CCSER1: variants seen among roughly 807,000 people sequenced by gnomAD.
CCSER1 encodes serine-rich coiled-coil domain-containing protein 1.
CCSER1 carries 41 observed loss-of-function variants against 82.0 expected under a neutral mutation model. The ratio of observed to expected loss-of-function variants is 0.50; its 90% CI spans 0.39 to 0.65. The LOEUF is 0.65. Among genes scored for constraint, CCSER1 ranks in the 30% least tolerant of loss-of-function variants. The pLI, the probability that CCSER1 is intolerant of heterozygous loss-of-function variation, is 0.00. For missense variants in CCSER1, 1,119 were observed against 1,064.2 expected, an observed-to-expected ratio of 1.05 and a Z score of -0.72; for synonymous variants, 414 against 383.9, an observed-to-expected ratio of 1.08 and a Z score of -0.92.
In CCSER1 at chr4:91,240,269, G is replaced by A. The variant is rs1361507714; in HGVS notation, c.2217+154275G>A. On this transcript the variant is annotated intron_variant, in intron 10 of 10. Coordinates refer to ENST00000509176, the MANE Select transcript of CCSER1 (RefSeq NM_001145065.2). ...TTTTCTGTATTTTTAATAGAGACGG[G>A]GTTTCCCTGTGTTAGCCAGGATGGT... 7.8e-5 allele frequency among the ~76,000 whole-genome samples: 5 copies of A among 63,810 alleles called. 2 individuals carry two copies. In the Admixed American group the frequency reaches 8.3e-4, roughly 11 times the overall value. 41.9% of individuals were successfully genotyped at this position (63,810 alleles called of 152,430 possible).
At chr4:91,179,888 G>T (rs1047916519) in intron 10 of CCSER1, among the ~76,000 whole-genome samples, 1 of 152,192 alleles carries the variant, frequency 6.6e-6, no homozygotes, top group Non-Finnish European at 1.5e-5. Context: ...GAGGCGCTCT[G>T]ATTTTTAGAA....
At position 90,871,410 on chromosome 4, in the gene CCSER1, G is replaced by A. The variant is rs188065529; in HGVS notation, c.2095-51960G>A. Reference sequence around the variant, plus strand: ...TCAAGAAATTTTAAAATTTCCTTAAGCTTCTCATTGACCCAGTGGTCATTC... The same window carrying A: ...TCAAGAAATTTTAAAATTTCCTTAAACTTCTCATTGACCCAGTGGTCATTC... On this transcript the variant is annotated intron_variant, in intron 8 of 10. Coordinates refer to ENST00000509176, the MANE Select transcript of CCSER1 (RefSeq NM_001145065.2). Among the ~76,000 whole-genome samples, 1,025 of 151,842 alleles carry A rather than the reference G, an allele frequency of 6.8e-3. 5 individuals are homozygous for A. The highest frequency in any genetic ancestry group is 0.012 in the Non-Finnish European group (783 of 67,750).
chr4:91,246,464 G>T (rs1189522195), intron 10 of CCSER1, among the ~76,000 whole-genome samples: 2 of 152,052 alleles, frequency 1.3e-5, no homozygotes, highest in Non-Finnish European at 2.9e-5. Context: ...GGAAAGACAG[G>T]CAAGAAGACT....
chr4:91,537,495 A>G (rs1314202903), intron 10 of CCSER1, among the ~76,000 whole-genome samples: 4 of 152,082 alleles, frequency 2.6e-5, no homozygotes, highest in Admixed American at 2.6e-4. Context: ...AGGAAACAGC[A>G]TGTTACTCAG....
chr4:90,150,758 T>G (rs1578199902), intron 1 of CCSER1, among the ~76,000 whole-genome samples: 2 of 152,120 alleles, frequency 1.3e-5, no homozygotes, highest in African/African-American at 4.8e-5. Context: ...AATATCCATA[T>G]AGAAAACACA....
intron 6 of CCSER1, among the ~76,000 whole-genome samples, chr4:90,689,754 G>A (rs890051570): frequency 6.6e-6 from 1 of 152,120 alleles, no homozygotes; most frequent in African/African-American, 2.4e-5. Context: ...CCAATGGAGA[G>A]AATTCAGTGG....
At chr4:91,569,620 A>G (rs1400482385) in intron 10 of CCSER1, among the ~76,000 whole-genome samples, 1 of 152,178 alleles carries the variant, frequency 6.6e-6, no homozygotes, top group Non-Finnish European at 1.5e-5. Flanking sequence ...AGATGCTTAT[A>G]AAATCATCAG....
chr4:90,167,100 T>C (rs1216755231), intron 1 of CCSER1, among the ~76,000 whole-genome samples: 5 of 152,058 alleles, frequency 3.3e-5, no homozygotes, highest in African/African-American at 1.2e-4. Flanking sequence ...TAAAATAAAA[T>C]TCAGCAATGT....
In CCSER1 at chr4:90,723,573, A is replaced by G. The variant is rs9790424; in HGVS notation, c.1933-341A>G. Among the ~76,000 whole-genome samples, 372 of 152,018 alleles carry G rather than the reference A, an allele frequency of 2.4e-3. 8 individuals carry two copies. The East Asian group carries it at 0.05, about 21-fold the overall frequency. On this transcript the variant is annotated intron_variant, in intron 6 of 10. Transcript: ENST00000509176. Reference sequence around the variant, plus strand: ...ATACATTGAAATAGCAACATAATGAATTATTACAGATACAGTTTAATTTAA... The same window carrying G: ...ATACATTGAAATAGCAACATAATGAGTTATTACAGATACAGTTTAATTTAA...
chr4:90,742,272 CAGAGCCAAACCATA>C (rs1746680694), intron 7 of CCSER1, among the ~76,000 whole-genome samples: 1 of 152,186 alleles, frequency 6.6e-6, no homozygotes, highest in African/African-American at 2.4e-5. Context: ...GGTGGGGAAA[CAGAGCCAAACCATA>C]TCATCTACTT....
intron 5 of CCSER1, among the ~76,000 whole-genome samples, chr4:90,569,914 G>T (rs532119490): frequency 2.0e-5 from 3 of 152,108 alleles, no homozygotes; most frequent in African/African-American, 7.2e-5. Flanking sequence ...AGATTCCACC[G>T]CCCCCATCTG....
At chr4:91,514,145 GTA>G (rs1189362563) in intron 10 of CCSER1, among the ~76,000 whole-genome samples, 1 of 151,944 alleles carries the variant, frequency 6.6e-6, no homozygotes, top group African/African-American at 2.4e-5. Flanking sequence ...CTAGATTTTG[GTA>G]TGTTGTATCT....
At chr4:91,421,501 T>C (rs1753681190) in intron 10 of CCSER1, among the ~76,000 whole-genome samples, 1 of 152,152 alleles carries the variant, frequency 6.6e-6, no homozygotes, top group South Asian at 2.1e-4. Flanking sequence ...ATTTGTCCTT[T>C]TACTAATTTT....
chr4:90,128,129 G>C (rs896809610), intron 1 of CCSER1, among the ~76,000 whole-genome samples: 1 of 152,166 alleles, frequency 6.6e-6, no homozygotes, highest in African/African-American at 2.4e-5. Context: ...CGCGGCGGCC[G>C]CTCCAGGGCG....
At chr4:91,591,932 T>G (rs2110341940) in intron 10 of CCSER1, among the ~76,000 whole-genome samples, 1 of 152,284 alleles carries the variant, frequency 6.6e-6, no homozygotes, top group Admixed American at 6.5e-5. Context: ...CATATTGCTT[T>G]GGTGGTTTTG....
In CCSER1 at chr4:90,450,106, GT is replaced by G. The variant is rs201812897; in HGVS notation, c.1604-18124del. Among the ~76,000 whole-genome samples, 759 of 152,298 alleles carry G rather than the reference GT, an allele frequency of 5.0e-3. 8 individuals are homozygous for G. Among genetic ancestry groups the G allele is most frequent in the African/African-American group, 0.017 (726 of 41,576 alleles). ...CTGCTTCGTGCTGACAAGGGACATTGTTTTGGGGAAAACAGCAGTCACATCT... is the reference window on the plus strand; with the variant it reads ...CTGCTTCGTGCTGACAAGGGACATTGTTTGGGGAAAACAGCAGTCACATCT... On this transcript the variant is annotated intron_variant, in intron 4 of 10. Transcript: ENST00000509176.
intron 7 of CCSER1, among the ~76,000 whole-genome samples, chr4:90,815,419 A>G (rs988899853): frequency 2.6e-5 from 4 of 152,114 alleles, no homozygotes; most frequent in African/African-American, 9.7e-5. Context: ...CAAACATGAG[A>G]GGGAATAATT....
At chr4:91,402,724 T>G (rs562041700) in intron 10 of CCSER1, among the ~76,000 whole-genome samples, 1 of 152,260 alleles carries the variant, frequency 6.6e-6, no homozygotes, top group African/African-American at 2.4e-5. Context: ...GTATTATTTC[T>G]GAGGACTCTG....
chr4:90,737,109 C>A (rs1179707114), intron 7 of CCSER1, among the ~76,000 whole-genome samples: 1 of 152,008 alleles, frequency 6.6e-6, no homozygotes, highest in Non-Finnish European at 1.5e-5. Context: ...TTGTTACATT[C>A]ATCTTTTAGT....
Sources: gnomAD v4.1 joint callset for allele counts (sites outside exome capture counted in the v4.1 genomes callset) on GRCh38, gnomAD v4.1.1 for gene constraint, MANE v1.5 for transcripts, NCBI Gene and HGNC (gene_info 2026-07-23, HGNC 2026-07-21) for gene names.